The following PCDHA5 variants were observed in gnomAD, a reference collection of about 807,000 sequenced individuals.
PCDHA5 encodes protocadherin alpha-5.
In PCDHA5, 43 loss-of-function variants were observed where a neutral mutation model predicts 61.6. The observed-to-expected ratio is 0.70, with a 90% CI of 0.55 to 0.90. The LOEUF is 0.90. Among genes scored for constraint, PCDHA5 ranks in the 40% least tolerant of loss-of-function variants. The probability of loss-of-function intolerance (pLI) is 0.00; values close to 1 mark genes in which losing one functional copy is unlikely to be tolerated. For synonymous variants in PCDHA5, 627 were observed against 543.9 expected, an observed-to-expected ratio of 1.15 and a Z score of -2.13; for missense variants, 1,298 against 1,222.7, an observed-to-expected ratio of 1.06 and a Z score of -0.92.
rs2150258870 is a variant in PCDHA5, at chr5:140,836,371, C to G, written c.2352+12244C>G. On this transcript the variant is annotated intron_variant, in intron 1 of 3. Transcript: ENST00000529859. Reference sequence around the variant, plus strand: ...GGGGAGCCCTCGCTGACAGCCACAGCCACCGTGCTGGTGTCGCTGGTGGAA... The same window carrying G: ...GGGGAGCCCTCGCTGACAGCCACAGGCACCGTGCTGGTGTCGCTGGTGGAA... The G allele has an allele frequency of 3.1e-3, 4,936 of 1,613,708 alleles. 180 individuals are homozygous for G. The African/African-American group carries it at 0.055, about 18-fold the overall frequency.
At chr5:140,915,626 GTCTCTCTCTC>G (rs57920489) in intron 1 of PCDHA5, among the ~76,000 whole-genome samples, 5 of 146,436 alleles carry the variant, frequency 3.4e-5, no homozygotes, top group Admixed American at 2.0e-4. Context: ...GTCTCTTTCT[GTCTCTCTCTC>G]TCTCTCTCTC....
intron 3 of PCDHA5, among the ~76,000 whole-genome samples, chr5:140,994,546 A>T (rs1168797848): frequency 6.6e-6 from 1 of 152,066 alleles, no homozygotes; most frequent in Non-Finnish European, 1.5e-5. Context: ...CTACAAAAAA[A>T]ATATAAAAAT....
Position 140,870,720 on chromosome 5 carries a change from G to A in PCDHA5, c.2352+46593G>A, listed in dbSNP as rs544150374. ...AGTTCCAGGTGAGCGCGCGCGATGC[G>A]GGCGTGCCGCCTCTGAGCAGCAACG... On this transcript the variant is annotated intron_variant, in intron 1 of 3. Coordinates refer to ENST00000529859, the MANE Select transcript of PCDHA5 (RefSeq NM_018908.3). The A allele has an allele frequency of 3.7e-6, 6 of 1,613,204 alleles. No homozygotes were observed. In the East Asian group the frequency reaches 6.7e-5, roughly 18 times the overall value.
At position 140,978,454 on chromosome 5, in the gene PCDHA5, C is replaced by T. The variant is rs980177257; in HGVS notation, c.2353-495C>T. Among the ~76,000 whole-genome samples, 5 of 152,314 alleles carry T rather than the reference C, an allele frequency of 3.3e-5. No individual in the cohort carries two copies. The South Asian group carries it at 8.3e-4, about 25-fold the overall frequency. ...TGCTGGTGTTATGACTGGGCACATC[C>T]GCCCTGGGTCAAATATGCTGCAGTC... On this transcript the variant is annotated intron_variant, in intron 1 of 3. Coordinates refer to ENST00000529859, the MANE Select transcript of PCDHA5 (RefSeq NM_018908.3).
intron 1 of PCDHA5, among the ~76,000 whole-genome samples, chr5:140,905,012 C>A (rs1335177928): frequency 6.6e-6 from 1 of 152,054 alleles, no homozygotes; most frequent in Non-Finnish European, 1.5e-5. Context: ...TTTGCTAATT[C>A]TTTTCTATGC....
Position 140,968,209 on chromosome 5 carries a change from C to A in PCDHA5, c.2353-10740C>A, listed in dbSNP as rs781795931. The A allele has an allele frequency of 2.5e-6, 4 of 1,613,884 alleles. No homozygotes were observed. In the African/African-American group the frequency reaches 4.0e-5, roughly 16 times the overall value. Reference sequence around the variant, plus strand: ...CCTATTCCATCTACATACAGGAGAACAATTTGCCAGGTGTGTTGCTCTGTA... The same window carrying A: ...CCTATTCCATCTACATACAGGAGAAAAATTTGCCAGGTGTGTTGCTCTGTA... On this transcript the variant is annotated intron_variant, in intron 1 of 3. Coordinates refer to ENST00000529859, the MANE Select transcript of PCDHA5 (RefSeq NM_018908.3).
rs201435940 is a variant in PCDHA5, at chr5:140,871,358, A to G, written c.2352+47231A>G. On this transcript the variant is annotated intron_variant, in intron 1 of 3. Transcript: ENST00000529859. The stretch of plus-strand genomic sequence containing the variant: ...GTGGGGAGCTGGTCATACTCGCAGC[A>G]GAGGCGGCAGAGGGTGTGCTCTGAG... 13 of 1,614,208 alleles carry G rather than the reference A, an allele frequency of 8.1e-6. No homozygotes were observed. In the East Asian group the frequency reaches 2.9e-4, roughly 36 times the overall value.
chr5:140,946,828 G>A (rs246052), intron 1 of PCDHA5, among the ~76,000 whole-genome samples: 84,737 of 150,610 alleles, frequency 0.56, 24,429 homozygotes, highest in African/African-American at 0.69. Context: ...CCAGAGATGG[G>A]TAGGGCAGTA....
chr5:140,876,954 G>T (rs1554169149), intron 1 of PCDHA5: 1 of 1,613,432 alleles, frequency 6.2e-7, no homozygotes, highest in Non-Finnish European at 8.5e-7. Context: ...CCTACTCGCT[G>T]GTGGAGCGGC....
At chr5:140,951,312 A>G (rs1316911878) in intron 1 of PCDHA5, among the ~76,000 whole-genome samples, 1 of 152,146 alleles carries the variant, frequency 6.6e-6, no homozygotes, top group Non-Finnish European at 1.5e-5. Flanking sequence ...TTAATGTGTT[A>G]TTCTTGAGAT....
intron 3 of PCDHA5, among the ~76,000 whole-genome samples, chr5:140,994,862 G>A (rs1434007632): frequency 1.3e-5 from 2 of 152,174 alleles, no homozygotes; most frequent in African/African-American, 4.8e-5. Flanking sequence ...TTTGATGGAT[G>A]TGGTAGAATA....
rs1377792748 is a variant in PCDHA5 at position 140,968,353 on chromosome 5, C to T, written c.2353-10596C>T. ...ATGTCTCCATTAACAGTGCCAGTGGCAGCCTTTATGCTGTCAACTCCTTTG... is the reference window on the plus strand; with the variant it reads ...ATGTCTCCATTAACAGTGCCAGTGGTAGCCTTTATGCTGTCAACTCCTTTG... On this transcript the variant is annotated intron_variant, in intron 1 of 3. Coordinates refer to ENST00000529859, the MANE Select transcript of PCDHA5 (RefSeq NM_018908.3). 1.9e-6 allele frequency: 3 copies of T among 1,613,988 alleles called. No individual in the cohort carries two copies. In the African/African-American group the frequency reaches 4.0e-5, roughly 22 times the overall value.
intron 1 of PCDHA5, chr5:140,858,899 C>G (rs1236968449): frequency 4.9e-6 from 1 of 203,942 alleles, no homozygotes; most frequent in South Asian, 8.1e-5. Context: ...ATATGTGTAG[C>G]GTACCACAGC....
At chr5:140,867,556 A>G (rs578116609) in intron 1 of PCDHA5, 33 of 152,264 alleles carry the variant, frequency 2.2e-4, no homozygotes, top group African/African-American at 7.5e-4. Flanking sequence ...TACACATATG[A>G]TAACTTTTTC....
chr5:140,981,974 A>G (rs782298715), intron 2 of PCDHA5, among the ~76,000 whole-genome samples: 6 of 152,232 alleles, frequency 3.9e-5, no homozygotes, highest in Non-Finnish European at 8.8e-5. Context: ...AGATATAGAA[A>G]GAGTAAAATA....
intron 1 of PCDHA5, chr5:140,863,615 T>C (rs1290782399): frequency 1.2e-5 from 4 of 339,092 alleles, no homozygotes; most frequent in South Asian, 4.8e-5. Context: ...ATGTCCCTCA[T>C]AGTGACATTG....
rs572471986 is a variant in PCDHA5, at chr5:140,873,263, A to T, written c.2352+49136A>T. The stretch of plus-strand genomic sequence containing the variant: ...ATAAAATATTTCAGACTCAAAAGTG[A>T]TTAAACCATCATACCACTTATGAAA... On this transcript the variant is annotated intron_variant, in intron 1 of 3. Coordinates refer to ENST00000529859, the MANE Select transcript of PCDHA5 (RefSeq NM_018908.3). Among the ~76,000 whole-genome samples, 8 of 152,356 alleles carry T rather than the reference A, an allele frequency of 5.3e-5. 1 individual carries two copies. Among genetic ancestry groups the T allele is most frequent in the Middle Eastern group, 6.8e-3 (2 of 294 alleles).
At chr5:140,874,064 A>T (rs554642692) in intron 1 of PCDHA5, among the ~76,000 whole-genome samples, 17 of 152,334 alleles carry the variant, frequency 1.1e-4, no homozygotes, top group Admixed American at 1.1e-3. Flanking sequence ...AATTTAAATA[A>T]TTAGCCTGAT....
chr5:140,849,995 C>A lies in PCDHA5; in HGVS notation c.2352+25868C>A, dbSNP rs2150462177. ...ACTCGCTGGTGGAGCGGCGGTTGGG[C>A]GAGCGCTCGCTGTCGAGCTACGTGT... On this transcript the variant is annotated intron_variant, in intron 1 of 3. Transcript: ENST00000529859. 5.0e-6 allele frequency: 8 copies of A among 1,597,088 alleles called. 1 individual carries two copies. The East Asian group carries it at 1.3e-4, about 27-fold the overall frequency.
Sources: gnomAD v4.1 joint callset for allele counts (sites outside exome capture counted in the v4.1 genomes callset) on GRCh38, gnomAD v4.1.1 for gene constraint, MANE v1.5 for transcripts, NCBI Gene and HGNC (gene_info 2026-07-23, HGNC 2026-07-21) for gene names.